MCC: variants seen among roughly 807,000 people sequenced by gnomAD.
MCC encodes MCC regulator of Wnt signaling pathway.
In MCC, 90 loss-of-function variants were observed where a neutral mutation model predicts 116.2. That is an observed-to-expected ratio of 0.77 (90% CI 0.65 to 0.92). The LOEUF is 0.92. Among genes scored for constraint, MCC ranks in the 40% least tolerant of loss-of-function variants. The probability of loss-of-function intolerance (pLI) is 0.00; values close to 1 mark genes in which losing one functional copy is unlikely to be tolerated. For synonymous variants in MCC, 578 were observed against 510.5 expected, an observed-to-expected ratio of 1.13 and a Z score of -1.78; for missense variants, 1,516 against 1,312.2, an observed-to-expected ratio of 1.16 and a Z score of -2.40.
chr5:113,084,306 C>G (rs2150244005), intron 9 of MCC, 116 bp from the exon 10 acceptor site: 1 of 781,528 alleles, frequency 1.3e-6, no homozygotes, highest in East Asian at 2.6e-5. Context: ...GATTAAAGAA[C>G]TTAAGAACAG....
At chr5:113,055,860 C>T (rs772498686) in intron 14 of MCC, among the ~76,000 whole-genome samples, 10 of 152,168 alleles carry the variant, frequency 6.6e-5, no homozygotes, top group Non-Finnish European at 1.2e-4. Flanking sequence ...CTCGTCTAAT[C>T]AGAGAGGCCT....
chr5:113,029,323 A>G (rs185109100), intron 17 of MCC, among the ~76,000 whole-genome samples: 2 of 151,492 alleles, frequency 1.3e-5, no homozygotes, highest in African/African-American at 4.8e-5. Context: ...TTCTGTTTCT[A>G]GTCTTCTAGC....
chr5:113,473,670 A>T (rs758090735), intron 1 of MCC, among the ~76,000 whole-genome samples: 1 of 152,250 alleles, frequency 6.6e-6, no homozygotes, highest in Non-Finnish European at 1.5e-5. Flanking sequence ...TTAGGAATTG[A>T]CAAAAAATCC....
chr5:113,143,292 T>C lies in MCC; in HGVS notation c.810A>G (p.Glu270=), dbSNP rs759418912. 4 of 1,613,894 alleles carry C rather than the reference T, an allele frequency of 2.5e-6. No homozygotes were observed. The highest frequency in any genetic ancestry group is 3.3e-5 in the Admixed American group (2 of 59,972). The change falls in exon 5 of 19, where the codon GAA becomes GAG. Residue 270 remains glutamate, a synonymous_variant. Coordinates refer to ENST00000408903, the MANE Select transcript of MCC (RefSeq NM_001085377.2). ...VQERTTLRYE[E]RITELHSVIA... ...TGACGCTGTGGAGCTCTGTGATGCG[T>C]TCCTCATAGCGAAGTGTCGTTCGCT...
At chr5:113,282,408 A>G (rs1420082553) in intron 3 of MCC, among the ~76,000 whole-genome samples, 1 of 152,328 alleles carries the variant, frequency 6.6e-6, no homozygotes, top group East Asian at 1.9e-4. Context: ...GTGTCCAGAC[A>G]GCATTTTCAT....
At chr5:113,033,618 G>A (rs530740182) in intron 17 of MCC, among the ~76,000 whole-genome samples, 9 of 152,178 alleles carry the variant, frequency 5.9e-5, no homozygotes, top group South Asian at 2.1e-4. Context: ...AACACTACAC[G>A]TTCCATATGC....
chr5:113,082,377 T>C (rs374275717), intron 11 of MCC, among the ~76,000 whole-genome samples: 1 of 152,236 alleles, frequency 6.6e-6, no homozygotes, highest in Non-Finnish European at 1.5e-5. Flanking sequence ...TTGCCTGTGC[T>C]GTTTCCAGTA....
At chr5:113,167,027 C>CG (rs1760807791) in intron 3 of MCC, among the ~76,000 whole-genome samples, 1 of 152,136 alleles carries the variant, frequency 6.6e-6, no homozygotes, top group Non-Finnish European at 1.5e-5. Context: ...CCTTTCCAGT[C>CG]GGGGCGAGTC....
intron 3 of MCC, among the ~76,000 whole-genome samples, chr5:113,338,792 T>C (rs1423863591): frequency 1.3e-5 from 2 of 152,126 alleles, no homozygotes; most frequent in Non-Finnish European, 2.9e-5. Flanking sequence ...CCTGAGCACA[T>C]AGGAGGGCAA....
intron 3 of MCC, among the ~76,000 whole-genome samples, chr5:113,309,519 A>G (rs1381220160): frequency 6.6e-6 from 1 of 152,172 alleles, no homozygotes; most frequent in African/African-American, 2.4e-5. Context: ...AGTTCCATCC[A>G]AGTTGCTGCA....
chr5:113,061,017 T>C (rs941346334), intron 14 of MCC, among the ~76,000 whole-genome samples: 1 of 152,206 alleles, frequency 6.6e-6, no homozygotes, highest in African/African-American at 2.4e-5. Flanking sequence ...GATTTCACTC[T>C]CCTCAACCAT....
chr5:113,411,159 C>G (rs1561557286), intron 1 of MCC, among the ~76,000 whole-genome samples: 1 of 152,152 alleles, frequency 6.6e-6, no homozygotes, highest in Non-Finnish European at 1.5e-5. Context: ...ATTTCTAGCT[C>G]TAGATCCTTG....
chr5:113,325,087 G>T (rs866839746), intron 3 of MCC, among the ~76,000 whole-genome samples: 9 of 151,926 alleles, frequency 5.9e-5, no homozygotes, highest in Non-Finnish European at 1.0e-4. Flanking sequence ...CGATCCTCCT[G>T]CCTTGGCCTC....
intron 1 of MCC, among the ~76,000 whole-genome samples, chr5:113,450,828 A>C (rs1403910387): frequency 6.6e-6 from 1 of 152,150 alleles, no homozygotes; most frequent in African/African-American, 2.4e-5. Flanking sequence ...CAACTTCTTG[A>C]AATGCTATTA....
intron 16 of MCC, among the ~76,000 whole-genome samples, chr5:113,046,486 C>T (rs1752082881): frequency 2.0e-5 from 3 of 151,900 alleles, no homozygotes; most frequent in Admixed American, 2.0e-4. Flanking sequence ...GCCACCACGT[C>T]CAGCCAAATT....
chr5:113,190,566 A>G (rs922404513), intron 3 of MCC, among the ~76,000 whole-genome samples: 3 of 152,210 alleles, frequency 2.0e-5, no homozygotes, highest in Non-Finnish European at 4.4e-5. Flanking sequence ...CAGCTAAAGA[A>G]TGTAGAGCTA....
intron 3 of MCC, among the ~76,000 whole-genome samples, chr5:113,279,927 T>C (rs1034283421): frequency 1.3e-5 from 2 of 152,242 alleles, no homozygotes; most frequent in South Asian, 2.1e-4. Flanking sequence ...TTCTGTACCA[T>C]ACTGCTTCAC....
chr5:113,402,160 G>A (rs1026778809), intron 1 of MCC, among the ~76,000 whole-genome samples: 5 of 152,048 alleles, frequency 3.3e-5, no homozygotes, highest in African/African-American at 7.2e-5. Context: ...CCGACGTAGT[G>A]GCAGGCGCCT....
At chr5:113,109,531 G>A (rs1360155856) in intron 6 of MCC, among the ~76,000 whole-genome samples, 1 of 152,086 alleles carries the variant, frequency 6.6e-6, no homozygotes, top group Non-Finnish European at 1.5e-5. Context: ...CGGGTACAGA[G>A]TTTATGTTGG....
Sources: gnomAD v4.1 joint callset for allele counts (sites outside exome capture counted in the v4.1 genomes callset) on GRCh38, gnomAD v4.1.1 for gene constraint, MANE v1.5 for transcripts, NCBI Gene and HGNC (gene_info 2026-07-23, HGNC 2026-07-21) for gene names.